The following TGFBR2 variants were observed in gnomAD, a reference collection of about 807,000 sequenced individuals.
The protein encoded by TGFBR2 is TGF-beta receptor type-2.
A neutral mutation model predicts 49.0 loss-of-function variants in TGFBR2; 18 were observed. The observed-to-expected ratio is 0.37, with a 90% CI of 0.25 to 0.54. The LOEUF (loss-of-function observed/expected upper bound fraction) is 0.54, where lower values mean the gene tolerates loss of function less well. TGFBR2 is among the 20% of genes least tolerant of loss of function. The pLI is 0.85. For missense variants in TGFBR2, 525 were observed against 722.6 expected (o/e 0.73, Z 3.13); for synonymous variants, 282 against 275.9 (o/e 1.02, Z -0.22).
chr3:30,637,384 C>T (rs1170597593), intron 1 of TGFBR2, among the ~76,000 whole-genome samples: 2 of 152,190 alleles, frequency 1.3e-5, no homozygotes, highest in African/African-American at 4.8e-5. Context: ...ACTTGGCCAG[C>T]TGGAAAAGAT....
intron 5 of TGFBR2, among the ~76,000 whole-genome samples, chr3:30,674,714 ATTGT>A (rs1049626271): frequency 1.3e-4 from 20 of 152,220 alleles, no homozygotes; most frequent in African/African-American, 4.6e-4. Flanking sequence ...AAAAAAAATC[ATTGT>A]TTGAGATATT....
At chr3:30,648,470 G>T (rs192593692) in intron 2 of TGFBR2, among the ~76,000 whole-genome samples, 2 of 103,732 alleles carry the variant, frequency 1.9e-5, no homozygotes, top group Non-Finnish European at 4.2e-5. Flanking sequence ...ACAAAACTGT[G>T]GGGGCAGGGA....
At position 30,645,609 on chromosome 3, in the gene TGFBR2, T is replaced by C. The variant is rs186344176; in HGVS notation, c.263+694T>C. On this transcript the variant is annotated intron_variant, in intron 2 of 6. Transcript: ENST00000295754. Reference sequence around the variant, plus strand: ...CAAGCGTTTCTCTTGTCTCAGCCTTTCGAGTAGCTGGGATTACAGGTGCCC... The same window carrying C: ...CAAGCGTTTCTCTTGTCTCAGCCTTCCGAGTAGCTGGGATTACAGGTGCCC... Among the ~76,000 whole-genome samples the C allele has an allele frequency of 4.5e-4, 68 of 151,936 alleles. 1 individual carries two copies. The highest frequency in any genetic ancestry group is 1.5e-3 in the African/African-American group (61 of 41,452).
intron 4 of TGFBR2, among the ~76,000 whole-genome samples, chr3:30,673,572 CAATTT>C (rs3841948): frequency 0.4 from 60,017 of 151,586 alleles, 12,164 homozygotes; most frequent in South Asian, 0.47. Flanking sequence ...TGCTTTTATA[CAATTT>C]AATTTAGTAG....
intron 1 of TGFBR2, chr3:30,626,465 G>T: frequency 6.6e-6 from 1 of 152,466 alleles, no homozygotes; most frequent in Non-Finnish European, 1.5e-5. Context: ...ACCTGGGTCT[G>T]AAAGGCTGGG....
In TGFBR2 at chr3:30,670,152, A is replaced by G. The variant is rs146423643; in HGVS notation, c.455-1486A>G. On this transcript the variant is annotated intron_variant, in intron 3 of 6. Coordinates refer to ENST00000295754, the MANE Select transcript of TGFBR2 (RefSeq NM_003242.6). Reference sequence around the variant, plus strand: ...AATTGCTCTTCCTTAAGTAGATCATATATTCTTTCTCCTTAACATAGCACT... The same window carrying G: ...AATTGCTCTTCCTTAAGTAGATCATGTATTCTTTCTCCTTAACATAGCACT... 2.2e-4 allele frequency among the ~76,000 whole-genome samples: 34 copies of G among 152,132 alleles called. No individual in the cohort carries two copies. In the East Asian group the frequency reaches 6.4e-3, roughly 29 times the overall value.
intron 1 of TGFBR2, among the ~76,000 whole-genome samples, chr3:30,631,036 C>CTT (rs34649868): frequency 3.3e-5 from 4 of 120,876 alleles, no homozygotes; most frequent in Non-Finnish European, 5.0e-5. Flanking sequence ...AAGGAGTAGC[C>CTT]TTTTTTTTTT....
chr3:30,643,765 G>A (rs759778199), intron 1 of TGFBR2, among the ~76,000 whole-genome samples: 1 of 152,218 alleles, frequency 6.6e-6, no homozygotes, highest in Non-Finnish European at 1.5e-5. Flanking sequence ...TTACATTTTT[G>A]TGGATAGATT....
In TGFBR2 at chr3:30,631,868, C is replaced by G. The variant is rs139935602; in HGVS notation, c.95-12879C>G. 2.6e-5 allele frequency among the ~76,000 whole-genome samples: 4 copies of G among 151,974 alleles called. No individual in the cohort carries two copies. In the East Asian group the frequency reaches 7.7e-4, roughly 29 times the overall value. On this transcript the variant is annotated intron_variant, in intron 1 of 6. Transcript: ENST00000295754. ...CTTGAACTCAAAGCCCCCTCATGGTCGATTCAGAGCCTTCTCCACTGCAAC... is the reference window on the plus strand; with the variant it reads ...CTTGAACTCAAAGCCCCCTCATGGTGGATTCAGAGCCTTCTCCACTGCAAC...
At position 30,691,810 on chromosome 3, in the gene TGFBR2, C is replaced by A; in HGVS notation, c.*211C>A. On this transcript the variant is annotated 3_prime_UTR_variant, in exon 7 of 7. Coordinates refer to ENST00000295754, the MANE Select transcript of TGFBR2 (RefSeq NM_003242.6). ...GCCTTTGACATTGTCATAGGATAAG[C>A]TGTGTTAGCACTTCCTCAGGAAATG... is the stretch of plus-strand genomic sequence containing the variant. The A allele has an allele frequency of 1.7e-6, 1 of 585,808 alleles. No individual in the cohort carries two copies. The allele number at this position is 585,808 out of a possible 1,614,324, so 36.3% of individuals were successfully genotyped here.
chr3:30,661,467 A>G (rs1275819242), intron 3 of TGFBR2: 2 of 428,836 alleles, frequency 4.7e-6, no homozygotes, highest in Non-Finnish European at 9.4e-6. Context: ...AGGGATGCCT[A>G]AAAGAGCAAA....
chr3:30,682,459 G>T (rs770674053), intron 5 of TGFBR2, among the ~76,000 whole-genome samples: 1 of 152,058 alleles, frequency 6.6e-6, no homozygotes, highest in Non-Finnish European at 1.5e-5. Context: ...CTTGTTATAG[G>T]TTAGCCAGGT....
At chr3:30,682,668 A>C (rs1218285414) in intron 5 of TGFBR2, among the ~76,000 whole-genome samples, 2 of 152,204 alleles carry the variant, frequency 1.3e-5, no homozygotes, top group Non-Finnish European at 2.9e-5. Context: ...CTCCACCACC[A>C]GTCACATCTA....
At chr3:30,670,539 A>G (rs1463979969) in intron 3 of TGFBR2, among the ~76,000 whole-genome samples, 1 of 152,234 alleles carries the variant, frequency 6.6e-6, no homozygotes, top group Non-Finnish European at 1.5e-5. Context: ...AAAGCAGCCC[A>G]GCACAAGCTC....
intron 1 of TGFBR2, among the ~76,000 whole-genome samples, chr3:30,632,187 A>G (rs17025791): frequency 0.043 from 6,537 of 152,246 alleles, 476 homozygotes; most frequent in African/African-American, 0.15. Flanking sequence ...TTAGAATTCC[A>G]CAATCTTAAG....
At chr3:30,686,563 TG>T (rs1342030135) in intron 5 of TGFBR2, among the ~76,000 whole-genome samples, 1 of 152,114 alleles carries the variant, frequency 6.6e-6, no homozygotes, top group African/African-American at 2.4e-5. Context: ...AAAAAGCAAA[TG>T]AACAAAGAAC....
At chr3:30,657,054 T>C (rs1206822638) in intron 3 of TGFBR2, among the ~76,000 whole-genome samples, 1 of 152,240 alleles carries the variant, frequency 6.6e-6, no homozygotes, top group Non-Finnish European at 1.5e-5. Flanking sequence ...CTCATTTTAA[T>C]GACAAAAAAG....
chr3:30,623,487 T>C (rs1698274190), intron 1 of TGFBR2, among the ~76,000 whole-genome samples: 1 of 152,218 alleles, frequency 6.6e-6, no homozygotes, highest in African/African-American at 2.4e-5. Flanking sequence ...GACTGGAGAA[T>C]TTCTTCTTTG....
chr3:30,625,775 T>TATA (rs1451442247), intron 1 of TGFBR2, among the ~76,000 whole-genome samples: 3 of 152,194 alleles, frequency 2.0e-5, no homozygotes, highest in African/African-American at 7.2e-5. Context: ...TGTATATGTA[T>TATA]ATAATAATGT....
Sources: gnomAD v4.1 joint callset for allele counts (sites outside exome capture counted in the v4.1 genomes callset) on GRCh38, gnomAD v4.1.1 for gene constraint, MANE v1.5 for transcripts, NCBI Gene and HGNC (gene_info 2026-07-23, HGNC 2026-07-21) for gene names.